FOXP2: variants seen among roughly 807,000 people sequenced by gnomAD.
FOXP2 encodes forkhead box protein P2.
Under a neutral mutation model 115.8 loss-of-function variants are expected in FOXP2, and 12 were observed. The ratio of observed to expected loss-of-function variants is 0.10; its 90% CI spans 0.07 to 0.17. The LOEUF is 0.17. Ranked by LOEUF, FOXP2 falls within the 10% of genes least tolerant of loss-of-function variation. The pLI, the probability that FOXP2 is intolerant of heterozygous loss-of-function variation, is 1.00. For missense variants in FOXP2, 629 were observed against 843.5 expected, an observed-to-expected ratio of 0.75 and a Z score of 3.15; for synonymous variants, 328 against 297.7, an observed-to-expected ratio of 1.10 and a Z score of -1.05.
chr7:114,096,025 A>G (rs1799640840), intron 1 of FOXP2, among the ~76,000 whole-genome samples: 1 of 152,148 alleles, frequency 6.6e-6, no homozygotes, highest in Non-Finnish European at 1.5e-5. Flanking sequence ...CAAAAAGTAT[A>G]TTTAGAGCTT....
At chr7:114,518,206 C>T (rs1798438308) in intron 2 of FOXP2, among the ~76,000 whole-genome samples, 1 of 151,906 alleles carries the variant, frequency 6.6e-6, no homozygotes, top group Non-Finnish European at 1.5e-5. Context: ...ATATAAAATA[C>T]AAAACAAATT....
chr7:114,291,984 G>A (rs908406554), intron 2 of FOXP2, among the ~76,000 whole-genome samples: 4 of 116,544 alleles, frequency 3.4e-5, no homozygotes, highest in Admixed American at 3.3e-4. Flanking sequence ...ATAATATATA[G>A]AATATATATT....
chr7:114,452,677 G>T (rs1795122876), intron 2 of FOXP2, among the ~76,000 whole-genome samples: 1 of 152,068 alleles, frequency 6.6e-6, no homozygotes, highest in Non-Finnish European at 1.5e-5. Flanking sequence ...TTTTTGAAAA[G>T]TATAGTTGAT....
chr7:114,413,734 T>C (rs1793230337), upstream of FOXP2, among the ~76,000 whole-genome samples: 1 of 152,182 alleles, frequency 6.6e-6, no homozygotes, highest in Admixed American at 6.5e-5. Flanking sequence ...TCTTTATACA[T>C]CTTTCCCTCT....
At chr7:114,112,765 C>T (rs1791305712) in intron 1 of FOXP2, among the ~76,000 whole-genome samples, 2 of 152,138 alleles carry the variant, frequency 1.3e-5, no homozygotes, top group African/African-American at 4.8e-5. Flanking sequence ...AACTTCCTCA[C>T]TTAGCTGGGA....
intron 16 of FOXP2, among the ~76,000 whole-genome samples, chr7:114,676,484 A>G (rs1807773534): frequency 6.6e-6 from 1 of 152,194 alleles, no homozygotes; most frequent in African/African-American, 2.4e-5. Flanking sequence ...ATCAGTTTCC[A>G]TAATAAAATT....
chr7:114,405,921 C>A (rs1370104194), intron 2 of FOXP2, among the ~76,000 whole-genome samples: 1 of 151,676 alleles, frequency 6.6e-6, no homozygotes, highest in Non-Finnish European at 1.5e-5. Flanking sequence ...TATGTATGGC[C>A]CTTCTTTGAT....
chr7:114,250,306 T>C (rs1795407047), intron 1 of FOXP2, among the ~76,000 whole-genome samples: 1 of 152,194 alleles, frequency 6.6e-6, no homozygotes, highest in African/African-American at 2.4e-5. Flanking sequence ...TTTGGGTATA[T>C]ACCCAGTAAT....
chr7:114,642,776 T>C (rs1805611290), intron 7 of FOXP2, among the ~76,000 whole-genome samples, 153 bp downstream of exon 7: 1 of 120,050 alleles, frequency 8.3e-6, no homozygotes, highest in South Asian at 2.8e-4. Flanking sequence ...TTATTTTATA[T>C]ATAATATATA....
chr7:114,378,478 GT>G (rs1437106642), intron 2 of FOXP2, among the ~76,000 whole-genome samples: 10 of 151,824 alleles, frequency 6.6e-5, no homozygotes, highest in Non-Finnish European at 1.3e-4. Context: ...GAGCCTGGGA[GT>G]TTGAAACCAG....
At chr7:114,327,501 GT>G (rs1346535770) in intron 2 of FOXP2, among the ~76,000 whole-genome samples, 7 of 147,604 alleles carry the variant, frequency 4.7e-5, no homozygotes, top group African/African-American at 1.7e-4. Flanking sequence ...TTTACTTTGT[GT>G]TTTCTTTTTT....
At chr7:114,472,377 T>G (rs948836478) in intron 2 of FOXP2, among the ~76,000 whole-genome samples, 3 of 150,596 alleles carry the variant, frequency 2.0e-5, no homozygotes, top group Non-Finnish European at 3.0e-5. Flanking sequence ...AGAGTCTGCC[T>G]CTGTCTTGCC....
chr7:114,555,641 A>T (rs571766177), intron 3 of FOXP2, among the ~76,000 whole-genome samples: 11 of 152,240 alleles, frequency 7.2e-5, no homozygotes, highest in Non-Finnish European at 1.0e-4. Flanking sequence ...TACTAAAAAT[A>T]CAAAAATTAG....
chr7:114,274,129 T>C (rs1055246544), intron 1 of FOXP2, among the ~76,000 whole-genome samples: 4 of 152,064 alleles, frequency 2.6e-5, no homozygotes, highest in African/African-American at 9.7e-5. Context: ...AATATAGACT[T>C]ACAACTAATC....
rs1381179376 is a variant in FOXP2, at chr7:114,094,381, T to C, written c.-247+6543T>C. ...CTACAGATCTCCCTCTCACATACTT[T>C]GTTCATATTTAAAATTGCACTAACT... On this transcript the variant is annotated intron_variant, in intron 1 of 19. Coordinates refer to the FOXP2 transcript ENST00000635638. Among the ~76,000 whole-genome samples, 4 of 152,238 alleles carry C rather than the reference T, an allele frequency of 2.6e-5. No individual in the cohort carries two copies. The East Asian group carries it at 7.7e-4, about 29-fold the overall frequency.
At position 114,378,684 on chromosome 7, in the gene FOXP2, C is replaced by CAA. The variant is rs398005920; in HGVS notation, c.-10-47802_-10-47801dup. ...GTGAGACAATGTAAGACCCTGTCTC[C>CAA]AAAAAAAAAAAAAAAAAGGAAAAGA... On this transcript the variant is annotated intron_variant, in intron 2 of 17. Transcript: ENST00000634411. 1.9e-3 allele frequency among the ~76,000 whole-genome samples: 34 copies of CAA among 18,096 alleles called. 2 individuals carry two copies. Among genetic ancestry groups the CAA allele is most frequent in the East Asian group, 0.013 (5 of 400 alleles). 11.9% of individuals were successfully genotyped at this position (18,096 alleles called of 152,430 possible).
At chr7:114,135,978 A>C (rs1346880539) in intron 1 of FOXP2, among the ~76,000 whole-genome samples, 2 of 152,038 alleles carry the variant, frequency 1.3e-5, no homozygotes, top group East Asian at 3.8e-4. Flanking sequence ...TCTTGTATAC[A>C]CCTAATGTTC....
intron 2 of FOXP2, among the ~76,000 whole-genome samples, chr7:114,510,854 G>A (rs1274466383): frequency 6.6e-6 from 1 of 152,076 alleles, no homozygotes; most frequent in Non-Finnish European, 1.5e-5. Flanking sequence ...TCCCATTACT[G>A]GGTATATACC....
At chr7:114,184,339 G>A (rs1208879966) in intron 1 of FOXP2, among the ~76,000 whole-genome samples, 1 of 152,104 alleles carries the variant, frequency 6.6e-6, no homozygotes, top group Non-Finnish European at 1.5e-5. Context: ...ACTCCTTGGC[G>A]GTATGGCTCA....
Sources: gnomAD v4.1 joint callset for allele counts (sites outside exome capture counted in the v4.1 genomes callset) on GRCh38, gnomAD v4.1.1 for gene constraint, MANE v1.5 for transcripts, NCBI Gene and HGNC (gene_info 2026-07-23, HGNC 2026-07-21) for gene names.